Variants in LRRC7 observed in about 807,000 individuals in gnomAD.
The protein encoded by LRRC7 is leucine rich repeat containing 7.
In LRRC7, 23 loss-of-function variants were observed where a neutral mutation model predicts 175.7. The observed-to-expected ratio is 0.13, with a 90% CI of 0.09 to 0.19. The LOEUF is 0.19. LRRC7 is among the 10% of genes least tolerant of loss of function. The probability of loss-of-function intolerance (pLI) is 1.00; values close to 1 mark genes in which losing one functional copy is unlikely to be tolerated. For missense variants in LRRC7, 1,354 were observed against 1,904.7 expected, an observed-to-expected ratio of 0.71 and a Z score of 5.38; for synonymous variants, 685 against 680.9, an observed-to-expected ratio of 1.01 and a Z score of -0.09.
intron 7 of LRRC7, among the ~76,000 whole-genome samples, chr1:69,882,398 T>G (rs1437851321): frequency 1.3e-5 from 2 of 152,070 alleles, no homozygotes; most frequent in Non-Finnish European, 2.9e-5. Flanking sequence ...CAAAGAGAGA[T>G]TTGCAGTCCC....
At chr1:69,753,617 T>A (rs1347707407) in intron 2 of LRRC7, among the ~76,000 whole-genome samples, 1 of 152,102 alleles carries the variant, frequency 6.6e-6, no homozygotes, top group Non-Finnish European at 1.5e-5. Context: ...GCAAGTAGTG[T>A]ACAAATAAAA....
Position 69,928,673 on chromosome 1 carries a change from A to C in LRRC7, c.648-2834A>C, listed in dbSNP as rs112960349. On this transcript the variant is annotated intron_variant, in intron 7 of 26. Transcript: ENST00000651989. ...AAGCCCATTGGAAAAGAGCAGTATT[A>C]GGGTGGGAGTGACCCGATTTTCCAG... Among the ~76,000 whole-genome samples the C allele has an allele frequency of 1.4e-3, 219 of 152,342 alleles. 1 individual carries two copies. Among genetic ancestry groups the C allele is most frequent in the African/African-American group, 5.0e-3 (206 of 41,578 alleles).
In LRRC7 at chr1:70,102,347, A is replaced by G. The variant is rs564424856; in HGVS notation, c.4546-5405A>G. ...CCCCTTCCCTAAATAAGAGGTGCCAATGTCCCCTTATTTGTTAGGAATTCA... is the reference window on the plus strand; with the variant it reads ...CCCCTTCCCTAAATAAGAGGTGCCAGTGTCCCCTTATTTGTTAGGAATTCA... On this transcript the variant is annotated intron_variant, in intron 25 of 26. Coordinates refer to ENST00000651989, the MANE Select transcript of LRRC7 (RefSeq NM_001370785.2). Among the ~76,000 whole-genome samples, 5 of 152,286 alleles carry G rather than the reference A, an allele frequency of 3.3e-5. No homozygotes were observed. In the East Asian group the frequency reaches 5.8e-4, roughly 18 times the overall value.
rs189132391 is a variant in LRRC7 at position 70,101,876 on chromosome 1, A to G, written c.4546-5876A>G. 7.0e-4 allele frequency among the ~76,000 whole-genome samples: 107 copies of G among 152,346 alleles called. No individual in the cohort carries two copies. The East Asian group carries it at 0.018, about 25-fold the overall frequency. ...GAGTCCCTCTGTGATGCATGAATCCACAGGATCTGTGCCTGTCTCAAACAT... is the reference window on the plus strand; with the variant it reads ...GAGTCCCTCTGTGATGCATGAATCCGCAGGATCTGTGCCTGTCTCAAACAT... On this transcript the variant is annotated intron_variant, in intron 25 of 26. Transcript: ENST00000651989.
intron 1 of LRRC7, among the ~76,000 whole-genome samples, chr1:69,585,449 G>A (rs1646367734): frequency 6.6e-6 from 1 of 152,112 alleles, no homozygotes; most frequent in South Asian, 2.1e-4. Context: ...GAAAAATTCT[G>A]TGTTGTAGAA....
intron 8 of LRRC7, among the ~76,000 whole-genome samples, chr1:69,974,055 T>C (rs1420465807): frequency 6.6e-6 from 1 of 152,234 alleles, no homozygotes; most frequent in Non-Finnish European, 1.5e-5. Flanking sequence ...TTGAAATGCA[T>C]GTATATGTAT....
At chr1:69,877,229 TGTAA>T (rs1194860477) in intron 7 of LRRC7, among the ~76,000 whole-genome samples, 2 of 152,176 alleles carry the variant, frequency 1.3e-5, no homozygotes, top group Non-Finnish European at 2.9e-5. Context: ...ACGTTAGATT[TGTAA>T]GTGATGGGAT....
chr1:70,002,870 A>G (rs1655659673), intron 11 of LRRC7, among the ~76,000 whole-genome samples: 3 of 152,338 alleles, frequency 2.0e-5, no homozygotes, highest in Non-Finnish European at 2.9e-5. Context: ...ATGTTCATCT[A>G]TATGAGGTTT....
intron 7 of LRRC7, among the ~76,000 whole-genome samples, chr1:69,917,185 G>A (rs1646745217): frequency 6.6e-6 from 1 of 152,116 alleles, no homozygotes; most frequent in African/African-American, 2.4e-5. Context: ...CAAGATATTT[G>A]GTTCAGAGGG....
Position 70,134,242 on chromosome 1 carries a change from C to T in LRRC7, c.*12355C>T, listed in dbSNP as rs564015730. On this transcript the variant is annotated 3_prime_UTR_variant, in exon 27 of 27. Transcript: ENST00000651989. ...GTAGTTTGCAATCTCCCCAGCCTCTCTCCTTTCAGTGGGAATATCTGGGTG... is the reference window on the plus strand; with the variant it reads ...GTAGTTTGCAATCTCCCCAGCCTCTTTCCTTTCAGTGGGAATATCTGGGTG... Among the ~76,000 whole-genome samples, 2 of 152,228 alleles carry T rather than the reference C, an allele frequency of 1.3e-5. No individual in the cohort carries two copies. The highest frequency in any genetic ancestry group is 2.9e-5 in the Non-Finnish European group (2 of 68,034).
At chr1:69,706,137 A>G (rs796795055) in intron 2 of LRRC7, among the ~76,000 whole-genome samples, 49 of 152,222 alleles carry the variant, frequency 3.2e-4, no homozygotes, top group African/African-American at 9.9e-4. Context: ...TAAATTAAAT[A>G]ATGTAAATGA....
intron 23 of LRRC7, among the ~76,000 whole-genome samples, chr1:70,063,700 C>T (rs766281238): frequency 2.6e-5 from 4 of 152,008 alleles, no homozygotes; most frequent in Non-Finnish European, 4.4e-5. Flanking sequence ...AAACTTTTAT[C>T]GTTACTCTTA....
rs191280254 is a variant in LRRC7 at position 69,627,679 on chromosome 1, G to T, written c.3-50702G>T. ...CTATGTCCTGAATGGTATTGCCTAG[G>T]TTTTCTTCTAGGGTTTTTATGGTTT... On this transcript the variant is annotated intron_variant, in intron 1 of 26. Transcript: ENST00000651989. 3.9e-3 allele frequency among the ~76,000 whole-genome samples: 588 copies of T among 152,008 alleles called. 3 individuals carry two copies. Among genetic ancestry groups the T allele is most frequent in the Non-Finnish European group, 6.1e-3 (417 of 67,958 alleles).
intron 23 of LRRC7, among the ~76,000 whole-genome samples, chr1:70,070,797 C>T (rs779522645): frequency 6.6e-6 from 1 of 152,162 alleles, no homozygotes; most frequent in Non-Finnish European, 1.5e-5. Context: ...AAAGTCTTGA[C>T]TCTCTACTAG....
At chr1:69,995,759 T>G (rs1446503709) in intron 11 of LRRC7, among the ~76,000 whole-genome samples, 1 of 152,118 alleles carries the variant, frequency 6.6e-6, no homozygotes, top group Non-Finnish European at 1.5e-5. Flanking sequence ...CTGCATAGTA[T>G]TCCATGGTGT....
chr1:69,825,245 C>A (rs1294607524), intron 4 of LRRC7, among the ~76,000 whole-genome samples: 2 of 152,212 alleles, frequency 1.3e-5, no homozygotes, highest in Non-Finnish European at 2.9e-5. Flanking sequence ...TTTAGCAGAG[C>A]CCCATATTAG....
intron 2 of LRRC7, among the ~76,000 whole-genome samples, chr1:69,719,787 G>A (rs28613007): frequency 0.019 from 2,846 of 151,414 alleles, 93 homozygotes; most frequent in African/African-American, 0.063. Flanking sequence ...TGTAAAAATC[G>A]CTTTAAAAAC....
intron 7 of LRRC7, among the ~76,000 whole-genome samples, chr1:69,846,951 G>A (rs901596775): frequency 3.3e-5 from 5 of 151,870 alleles, no homozygotes; most frequent in Non-Finnish European, 5.9e-5. Flanking sequence ...ATGCTAACGT[G>A]CCTTTCTTAC....
intron 22 of LRRC7, among the ~76,000 whole-genome samples, chr1:70,048,384 G>T (rs2102052720): frequency 6.6e-6 from 1 of 152,146 alleles, no homozygotes; most frequent in Admixed American, 6.6e-5. Context: ...TTACACCAAA[G>T]AACTCACCTG....
Sources: gnomAD v4.1 joint callset for allele counts (sites outside exome capture counted in the v4.1 genomes callset) on GRCh38, gnomAD v4.1.1 for gene constraint, MANE v1.5 for transcripts, NCBI Gene and HGNC (gene_info 2026-07-23, HGNC 2026-07-21) for gene names.